Variants in HIP1 observed in about 807,000 individuals in gnomAD.
HIP1 encodes huntingtin-interacting protein 1.
Under a neutral mutation model 147.6 loss-of-function variants are expected in HIP1, and 65 were observed. The observed-to-expected ratio is 0.44, with a 90% CI of 0.36 to 0.54. The LOEUF (loss-of-function observed/expected upper bound fraction) is 0.54. Ranked by LOEUF, HIP1 falls within the 20% of genes least tolerant of loss-of-function variation. HIP1 has a pLI of 0.00. For synonymous variants in HIP1, 479 were observed against 504.0 expected, an observed-to-expected ratio of 0.95 and a Z score of 0.67; for missense variants, 1,061 against 1,299.6, an observed-to-expected ratio of 0.82 and a Z score of 2.82.
At chr7:75,628,247 G>A (rs2117116481) in intron 1 of HIP1, among the ~76,000 whole-genome samples, 1 of 152,208 alleles carries the variant, frequency 6.6e-6, no homozygotes, top group Non-Finnish European at 1.5e-5. Context: ...AGTATCCCAA[G>A]TGCTTGGAAC....
intron 1 of HIP1, among the ~76,000 whole-genome samples, chr7:75,618,404 G>A (rs142118609): frequency 3.8e-4 from 58 of 152,270 alleles, no homozygotes; most frequent in African/African-American, 1.3e-3. Flanking sequence ...ATCTGCCTCA[G>A]CCTCCCAAAG....
chr7:75,724,008 G>A (rs1256369069), intron 1 of HIP1, among the ~76,000 whole-genome samples: 1 of 151,996 alleles, frequency 6.6e-6, no homozygotes, highest in Non-Finnish European at 1.5e-5. Flanking sequence ...CCATGCTGGA[G>A]TACAGTGGTG....
chr7:75,583,955 C>T lies in HIP1; in HGVS notation c.466-1804G>A, dbSNP rs1228143411. On this transcript the variant is annotated intron_variant, in intron 5 of 30. Coordinates refer to ENST00000336926, the MANE Select transcript of HIP1 (RefSeq NM_005338.7). ...AGAATGAATTTTTCTTTAATGTGTGCGGGATATTTTTGTTGTTGTTTTCGA... is the reference window on the plus strand; with the variant it reads ...AGAATGAATTTTTCTTTAATGTGTGTGGGATATTTTTGTTGTTGTTTTCGA... Among the ~76,000 whole-genome samples the T allele has an allele frequency of 2.7e-5, 4 of 147,760 alleles. No individual in the cohort carries two copies. In the East Asian group the frequency reaches 6.2e-4, roughly 23 times the overall value.
intron 18 of HIP1, 58 bp downstream of exon 18, chr7:75,555,968 G>A (rs1430032418): frequency 2.5e-6 from 4 of 1,593,864 alleles, no homozygotes; most frequent in South Asian, 2.3e-5. Context: ...CCGTGCATGC[G>A]CAGAGGCCCT....
intron 2 of HIP1, among the ~76,000 whole-genome samples, chr7:75,594,739 A>C (rs1171694240): frequency 6.6e-6 from 1 of 152,162 alleles, no homozygotes; most frequent in Non-Finnish European, 1.5e-5. Context: ...GCACCACTGC[A>C]CTCCAGCCTG....
chr7:75,589,162 A>G (rs587625047), intron 4 of HIP1, among the ~76,000 whole-genome samples: 92 of 151,798 alleles, frequency 6.1e-4, no homozygotes, highest in Non-Finnish European at 1.1e-3. Context: ...AAAAAAAAAA[A>G]AAGAAGAAGA....
chr7:75,586,956 T>G (rs1277511545), intron 4 of HIP1, 123 bp from the exon 5 acceptor site: 2 of 692,084 alleles, frequency 2.9e-6, no homozygotes, highest in East Asian at 5.6e-5. Context: ...TTTTATTTAT[T>G]TAGAGATGGG....
At chr7:75,610,422 G>A (rs1797391565) in intron 1 of HIP1, among the ~76,000 whole-genome samples, 1 of 152,020 alleles carries the variant, frequency 6.6e-6, no homozygotes, top group Non-Finnish European at 1.5e-5. Flanking sequence ...GTGTTGCCCA[G>A]GCTGGTCTTG....
chr7:75,607,161 G>C (rs1797254034), intron 1 of HIP1, among the ~76,000 whole-genome samples: 1 of 151,004 alleles, frequency 6.6e-6, no homozygotes, highest in Admixed American at 6.6e-5. Flanking sequence ...TTGAGGCCAG[G>C]AGTTTCAGAA....
At chr7:75,677,073 T>A (rs1156490836) in intron 1 of HIP1, among the ~76,000 whole-genome samples, 1 of 151,316 alleles carries the variant, frequency 6.6e-6, no homozygotes, top group African/African-American at 2.4e-5. Flanking sequence ...TGCATGCCTG[T>A]AATCCTAGCT....
chr7:75,684,639 C>T (rs782083000), intron 1 of HIP1, among the ~76,000 whole-genome samples: 2 of 152,036 alleles, frequency 1.3e-5, no homozygotes, highest in Non-Finnish European at 2.9e-5. Flanking sequence ...ACTGTACCAA[C>T]GTATTTGGCT....
chr7:75,619,003 C>A (rs1337717740), intron 1 of HIP1, among the ~76,000 whole-genome samples: 1 of 152,112 alleles, frequency 6.6e-6, no homozygotes, highest in Non-Finnish European at 1.5e-5. Flanking sequence ...CTGCAGGAAT[C>A]GCTGTGTGTA....
chr7:75,704,543 C>T (rs564702148), intron 1 of HIP1, among the ~76,000 whole-genome samples: 4 of 151,454 alleles, frequency 2.6e-5, no homozygotes, highest in African/African-American at 9.7e-5. Context: ...TGCACCCAGC[C>T]TACATAACAG....
In HIP1 at chr7:75,570,996, C is replaced by T. The variant is rs147456076; in HGVS notation, c.746-2740G>A. 5.0e-4 allele frequency among the ~76,000 whole-genome samples: 76 copies of T among 151,892 alleles called. No homozygotes were observed. The South Asian group carries it at 5.2e-3, about 10-fold the overall frequency. ...CTGCACTCCAGCCTGGGCAACAGAG[C>T]GAGACCCTGTTTCAGAAAAATAAAT... is the stretch of plus-strand genomic sequence containing the variant. On this transcript the variant is annotated intron_variant, in intron 8 of 30. Transcript: ENST00000336926.
intron 1 of HIP1, among the ~76,000 whole-genome samples, chr7:75,728,829 G>C (rs1801735442): frequency 6.7e-6 from 1 of 149,362 alleles, no homozygotes; most frequent in African/African-American, 2.5e-5. Context: ...CCAGGGACCA[G>C]GGACGAGGGA....
At chr7:75,572,414 A>G (rs1795674897) in intron 8 of HIP1, among the ~76,000 whole-genome samples, 1 of 151,394 alleles carries the variant, frequency 6.6e-6, no homozygotes, top group South Asian at 2.1e-4. Flanking sequence ...GTGTAGATAA[A>G]TGGTCTGGAA....
At chr7:75,627,819 C>T (rs1554508215) in intron 1 of HIP1, among the ~76,000 whole-genome samples, 1 of 152,172 alleles carries the variant, frequency 6.6e-6, no homozygotes, top group Non-Finnish European at 1.5e-5. Flanking sequence ...GCTGGATCCA[C>T]AGTTGAGTAG....
At position 75,621,494 on chromosome 7, in the gene HIP1, G is replaced by A. The variant is rs587678804; in HGVS notation, c.121-22247C>T. Among the ~76,000 whole-genome samples, 25 of 152,276 alleles carry A rather than the reference G, an allele frequency of 1.6e-4. No individual in the cohort carries two copies. The South Asian group carries it at 5.0e-3, about 30-fold the overall frequency. ...TGGTCTTGAACTCCTGGCCCCAAGC[G>A]ATCCTCCTGCCTTGGCCTCCTAAAT... On this transcript the variant is annotated intron_variant, in intron 1 of 30. Transcript: ENST00000336926.
Position 75,538,317 on chromosome 7 carries a change from A to G in HIP1, c.3062-93T>C, listed in dbSNP as rs115641586. ...CCTGCCACCATGGGGGCTCAAAAAT[A>G]CATTATAATTATAACCATGGTGTAA... is the stretch of plus-strand genomic sequence containing the variant. On this transcript the variant is annotated intron_variant, in intron 30 of 30. Transcript: ENST00000336926. The G allele has an allele frequency of 1.7e-3, 1,501 of 909,184 alleles. 17 individuals carry two copies. In the African/African-American group the frequency reaches 0.023, roughly 14 times the overall value. 56.3% of individuals were successfully genotyped at this position (909,184 alleles called of 1,614,324 possible).
Sources: gnomAD v4.1 joint callset for allele counts (sites outside exome capture counted in the v4.1 genomes callset) on GRCh38, gnomAD v4.1.1 for gene constraint, MANE v1.5 for transcripts, NCBI Gene and HGNC (gene_info 2026-07-23, HGNC 2026-07-21) for gene names.